The following MAGI1 variants were observed in gnomAD, a reference collection of about 807,000 sequenced individuals.
MAGI1 encodes membrane-associated guanylate kinase, WW and PDZ domain-containing protein 1.
MAGI1 carries 58 observed loss-of-function variants against 139.9 expected under a neutral mutation model. The observed-to-expected ratio is 0.41, with a 90% confidence interval of 0.34 to 0.52. The LOEUF (loss-of-function observed/expected upper bound fraction) is 0.52, where lower values mean the gene tolerates loss of function less well. MAGI1 is among the 20% of genes least tolerant of loss of function. The probability of loss-of-function intolerance (pLI) is 0.12; values close to 1 mark genes in which losing one functional copy is unlikely to be tolerated. For synonymous variants in MAGI1, 812 were observed against 737.9 expected (o/e 1.10, Z -1.63); for missense variants, 1,874 against 1,901.6 (o/e 0.99, Z 0.27).
intron 1 of MAGI1, among the ~76,000 whole-genome samples, chr3:65,881,566 G>A (rs76436087): frequency 0.026 from 3,961 of 151,956 alleles, 139 homozygotes; most frequent in East Asian, 0.075. Flanking sequence ...GTTGGAGGCT[G>A]TAGTGAGCCA....
intron 1 of MAGI1, among the ~76,000 whole-genome samples, chr3:65,950,067 C>CAAAAAAA (rs61696952): frequency 2.6e-5 from 2 of 76,710 alleles, no homozygotes; most frequent in Admixed American, 1.9e-4. Flanking sequence ...AACAAAAAAA[C>CAAAAAAA]AAAAAAAAAA....
intron 4 of MAGI1, among the ~76,000 whole-genome samples, chr3:65,473,628 C>T (rs1223137526): frequency 8.6e-6 from 1 of 116,748 alleles, no homozygotes; most frequent in Non-Finnish European, 1.6e-5. Flanking sequence ...CGCTGAGTGT[C>T]TACATGTTTA....
At chr3:65,796,994 T>C (rs1055469667) in intron 1 of MAGI1, among the ~76,000 whole-genome samples, 3 of 152,244 alleles carry the variant, frequency 2.0e-5, no homozygotes, top group East Asian at 1.9e-4. Context: ...TGATCTTGGA[T>C]TGAAACTAAT....
intron 1 of MAGI1, among the ~76,000 whole-genome samples, chr3:66,032,914 C>CAAAA (rs58736926): frequency 3.6e-5 from 4 of 110,294 alleles, no homozygotes; most frequent in African/African-American, 1.0e-4. Flanking sequence ...AACTCCATCT[C>CAAAA]AAAAAAAAAA....
intron 1 of MAGI1, among the ~76,000 whole-genome samples, chr3:66,024,074 G>A (rs1231511465): frequency 6.6e-6 from 1 of 152,056 alleles, no homozygotes; most frequent in Admixed American, 6.6e-5. Flanking sequence ...CACATTTCCT[G>A]ACCCTTTTTG....
chr3:65,432,385 G>A (rs1324677525), intron 10 of MAGI1, among the ~76,000 whole-genome samples: 1 of 152,166 alleles, frequency 6.6e-6, no homozygotes, highest in East Asian at 1.9e-4. Flanking sequence ...CTAGGAGCCT[G>A]GCACCTAGGA....
intron 18 of MAGI1, among the ~76,000 whole-genome samples, chr3:65,366,307 G>A (rs1290346670): frequency 6.6e-6 from 1 of 152,202 alleles, no homozygotes; most frequent in Admixed American, 6.5e-5. Flanking sequence ...GATTTCAACA[G>A]TTAATTTACT....
intron 2 of MAGI1, among the ~76,000 whole-genome samples, chr3:65,496,461 G>A (rs1389887965): frequency 1.3e-5 from 2 of 152,194 alleles, no homozygotes; most frequent in African/African-American, 4.8e-5. Context: ...GTGTCCAGGT[G>A]AATGGTAATC....
intron 2 of MAGI1, among the ~76,000 whole-genome samples, chr3:65,537,191 G>A (rs1413425581): frequency 7.2e-5 from 11 of 152,048 alleles, no homozygotes; most frequent in East Asian, 1.9e-4. Flanking sequence ...TACACTGTCC[G>A]TGAATAGATC....
chr3:65,995,506 TC>T (rs2066395214), intron 1 of MAGI1, among the ~76,000 whole-genome samples: 1 of 151,570 alleles, frequency 6.6e-6, no homozygotes. Flanking sequence ...TTCATCCATT[TC>T]CCCATAAGGA....
intron 1 of MAGI1, among the ~76,000 whole-genome samples, chr3:65,799,682 GAGGACTACACATAATAAA>G (rs2040393648): frequency 6.6e-6 from 1 of 152,150 alleles, no homozygotes. Context: ...GCAGATAAAG[GAGGACTACACATAATAAA>G]AGAGCAGCTG....
intron 1 of MAGI1, among the ~76,000 whole-genome samples, chr3:65,975,657 A>G (rs1481458118): frequency 6.6e-6 from 1 of 152,052 alleles, no homozygotes; most frequent in Non-Finnish European, 1.5e-5. Context: ...TAAAAATTAA[A>G]AATAAAATAA....
At chr3:65,632,552 T>C (rs1264203919) in intron 1 of MAGI1, among the ~76,000 whole-genome samples, 1 of 152,202 alleles carries the variant, frequency 6.6e-6, no homozygotes, top group African/African-American at 2.4e-5. Context: ...TTTACACAAT[T>C]ACTTCCAACC....
intron 12 of MAGI1, among the ~76,000 whole-genome samples, chr3:65,406,429 T>G (rs1945342546): frequency 6.6e-6 from 1 of 152,110 alleles, no homozygotes; most frequent in South Asian, 2.1e-4. Flanking sequence ...CAAAGAGGCT[T>G]TGAAAGGGTG....
At chr3:65,855,294 A>G (rs2059337183) in intron 1 of MAGI1, among the ~76,000 whole-genome samples, 3 of 151,886 alleles carry the variant, frequency 2.0e-5, no homozygotes, top group Non-Finnish European at 2.9e-5. Flanking sequence ...AAATGGGAGG[A>G]AAGGGCTTGG....
intron 2 of MAGI1, among the ~76,000 whole-genome samples, chr3:65,573,171 T>C (rs111980376): frequency 6.6e-6 from 1 of 152,084 alleles, no homozygotes. Context: ...TTTATTTTAA[T>C]CAAAATAAAA....
At chr3:65,850,010 A>G (rs9828804) in intron 1 of MAGI1, among the ~76,000 whole-genome samples, 9,678 of 152,224 alleles carry the variant, frequency 0.064, 802 homozygotes, top group African/African-American at 0.19. Flanking sequence ...TAATTTATCA[A>G]TTATGTACTA....
intron 5 of MAGI1, among the ~76,000 whole-genome samples, chr3:65,453,554 T>C (rs934461194): frequency 2.6e-5 from 4 of 152,134 alleles, no homozygotes; most frequent in African/African-American, 7.2e-5. Context: ...ACCTAACATA[T>C]GATTATTCAA....
chr3:65,401,004 G>A (rs1944843589), intron 13 of MAGI1, among the ~76,000 whole-genome samples: 1 of 151,936 alleles, frequency 6.6e-6, no homozygotes, highest in Non-Finnish European at 1.5e-5. Context: ...AAAGCTAAGG[G>A]AGAGAATGGG....
Sources: gnomAD v4.1 joint callset for allele counts (sites outside exome capture counted in the v4.1 genomes callset) on GRCh38, gnomAD v4.1.1 for gene constraint, MANE v1.5 for transcripts, NCBI Gene and HGNC (gene_info 2026-07-23, HGNC 2026-07-21) for gene names.